Variants in BMPR1A observed in about 807,000 individuals in gnomAD.
BMPR1A encodes bone morphogenetic protein receptor type-1A.
Under a neutral mutation model 66.0 loss-of-function variants are expected in BMPR1A, and 7 were observed. The ratio of observed to expected loss-of-function variants is 0.11; its 90% CI spans 0.06 to 0.20. BMPR1A has a LOEUF of 0.20. Ranked by LOEUF, BMPR1A falls within the 10% of genes least tolerant of loss-of-function variation. The probability of loss-of-function intolerance (pLI) is 1.00; values close to 1 mark genes in which losing one functional copy is unlikely to be tolerated. For synonymous variants in BMPR1A, 200 were observed against 229.7 expected (o/e 0.87, Z 1.17); for missense variants, 408 against 669.1 (o/e 0.61, Z 4.31).
chr10:86,883,970 G>T (rs1275536076), intron 3 of BMPR1A, among the ~76,000 whole-genome samples: 1 of 151,020 alleles, frequency 6.6e-6, no homozygotes, highest in African/African-American at 2.4e-5. Flanking sequence ...CATCTCCTGG[G>T]TTCAAGCGAT....
chr10:86,807,956 G>A (rs1386905261), intron 1 of BMPR1A, among the ~76,000 whole-genome samples: 1 of 151,952 alleles, frequency 6.6e-6, no homozygotes, highest in Non-Finnish European at 1.5e-5. Flanking sequence ...TAGTAGAGAC[G>A]GGGTTTCACC....
At chr10:86,809,983 A>ATTC in intron 1 of BMPR1A, among the ~76,000 whole-genome samples, 1 of 151,216 alleles carries the variant, frequency 6.6e-6, no homozygotes. Flanking sequence ...TATTATTATT[A>ATTC]TTTTTGAGAC....
At chr10:86,915,079 A>C (rs576727180) in intron 8 of BMPR1A, among the ~76,000 whole-genome samples, 1 of 152,354 alleles carries the variant, frequency 6.6e-6, no homozygotes, top group South Asian at 2.1e-4. Flanking sequence ...GAATTTCAAA[A>C]GTACTTTATG....
At chr10:86,931,278 T>TACAC (rs1554892369), downstream of BMPR1A, 11 of 104,768 alleles carry the variant, frequency 1.0e-4, no homozygotes, top group African/African-American at 6.0e-4. Flanking sequence ...TATATATATA[T>TACAC]ATACACACAC....
At chr10:86,807,893 A>G (rs1184206674) in intron 1 of BMPR1A, among the ~76,000 whole-genome samples, 1 of 152,054 alleles carries the variant, frequency 6.6e-6, no homozygotes, top group Non-Finnish European at 1.5e-5. Context: ...TAGCCTCCCT[A>G]CAAGCTGGGA....
chr10:86,890,306 C>A, intron 4 of BMPR1A, 82 bp downstream of exon 4: 1 of 1,560,700 alleles, frequency 6.4e-7, no homozygotes, highest in Non-Finnish European at 8.8e-7. Flanking sequence ...TTAAACTTGT[C>A]TGCGGTTTTT....
chr10:86,845,923 G>C (rs2133150463), intron 2 of BMPR1A, among the ~76,000 whole-genome samples: 1 of 152,180 alleles, frequency 6.6e-6, no homozygotes, highest in African/African-American at 2.4e-5. Context: ...CGTGGACTCG[G>C]GAGGTGGAGC....
At chr10:86,806,029 T>C (rs1841885267) in intron 1 of BMPR1A, among the ~76,000 whole-genome samples, 3 of 152,150 alleles carry the variant, frequency 2.0e-5, no homozygotes, top group Admixed American at 6.5e-5. Flanking sequence ...CTGTTGTGTT[T>C]CATGACATCA....
intron 3 of BMPR1A, among the ~76,000 whole-genome samples, chr10:86,884,835 C>T (rs527558049): frequency 2.0e-5 from 3 of 152,174 alleles, no homozygotes; most frequent in East Asian, 3.9e-4. Context: ...CAGCATGTGT[C>T]GGAATGTATC....
At chr10:86,864,037 C>G (rs1229061133) in intron 2 of BMPR1A, among the ~76,000 whole-genome samples, 1 of 151,986 alleles carries the variant, frequency 6.6e-6, no homozygotes, top group African/African-American at 2.4e-5. Flanking sequence ...ATAGTGTTGC[C>G]ACTTGACCAG....
chr10:86,862,991 T>TAC lies in BMPR1A; in HGVS notation c.-152-12876_-152-12875insAC, dbSNP rs558515355. Among the ~76,000 whole-genome samples, 63 of 149,580 alleles carry TAC rather than the reference T, an allele frequency of 4.2e-4. 1 individual carries two copies. The highest frequency in any genetic ancestry group is 3.5e-3 in the Middle Eastern group (1 of 288). On this transcript the variant is annotated intron_variant, in intron 2 of 12. Transcript: ENST00000372037. ...TATTTGAGCTGCCTTTTTTTTTTTTTCCCCCTCTGAGACAGTCTCGCTTTG... is the reference window on the plus strand; with the variant it reads ...TATTTGAGCTGCCTTTTTTTTTTTTTACCCCCCTCTGAGACAGTCTCGCTTTG...
At chr10:86,878,284 A>G (rs1842944987) in intron 3 of BMPR1A, among the ~76,000 whole-genome samples, 1 of 152,180 alleles carries the variant, frequency 6.6e-6, no homozygotes, top group African/African-American at 2.4e-5. Context: ...TTGACCATCA[A>G]CTGTTAGGGT....
At chr10:86,918,274 A>G (rs943368562) in intron 9 of BMPR1A, among the ~76,000 whole-genome samples, 1 of 151,714 alleles carries the variant, frequency 6.6e-6, no homozygotes, top group African/African-American at 2.4e-5. Flanking sequence ...TTTATAGATG[A>G]CATGGATTTT....
chr10:86,824,105 G>GTGTGTGTGTGTGTGTGTGTGTGTT lies in BMPR1A; in HGVS notation c.-267-14753_-267-14752insGTGTGTGTGTGTGTGTTTGTGTGT, dbSNP rs150991310. Among the ~76,000 whole-genome samples the GTGTGTGTGTGTGTGTGTGTGTGTT allele has an allele frequency of 3.5e-3, 519 of 147,368 alleles. 10 individuals carry two copies. The South Asian group carries it at 0.038, about 11-fold the overall frequency. On this transcript the variant is annotated intron_variant, in intron 1 of 12. Transcript: ENST00000372037. ...GTTGTGTGTGTGTGTGTGTGTGTGT[G>GTGTGTGTGTGTGTGTGTGTGTGTT]TGTGTGTTTCTTTCAGTCTCACTTG...
chr10:86,777,556 G>A (rs1452975057), intron 1 of BMPR1A, among the ~76,000 whole-genome samples: 1 of 151,824 alleles, frequency 6.6e-6, no homozygotes, highest in African/African-American at 2.4e-5. Flanking sequence ...TACTCCAGTG[G>A]GTGACTGAGC....
In BMPR1A at chr10:86,822,907, G is replaced by T. The variant is rs114947601; in HGVS notation, c.-267-15958G>T. On this transcript the variant is annotated intron_variant, in intron 1 of 12. Transcript: ENST00000372037. Reference sequence around the variant, plus strand: ...AGCCTCCCAGAGTGCTGGGATTATAGATGCAAGCCACTGTGCCGGCCTGAG... The same window carrying T: ...AGCCTCCCAGAGTGCTGGGATTATATATGCAAGCCACTGTGCCGGCCTGAG... Among the ~76,000 whole-genome samples, 505 of 152,220 alleles carry T rather than the reference G, an allele frequency of 3.3e-3. 2 individuals are homozygous for T. Among genetic ancestry groups the T allele is most frequent in the African/African-American group, 0.011 (475 of 41,540 alleles).
chr10:86,885,087 T>C (rs1332529315), intron 3 of BMPR1A, among the ~76,000 whole-genome samples: 2 of 152,216 alleles, frequency 1.3e-5, no homozygotes, highest in Non-Finnish European at 2.9e-5. Flanking sequence ...TAGACCAACG[T>C]AGTATGACAG....
At chr10:86,889,045 CTGTT>C (rs1843110568) in intron 3 of BMPR1A, among the ~76,000 whole-genome samples, 1 of 152,260 alleles carries the variant, frequency 6.6e-6, no homozygotes, top group East Asian at 1.9e-4. Context: ...ATACACTTGT[CTGTT>C]TGGTTCCACC....
chr10:86,769,152 G>GCTATAGGAATTT (rs1375414134), intron 1 of BMPR1A, among the ~76,000 whole-genome samples: 4 of 152,116 alleles, frequency 2.6e-5, no homozygotes, highest in Admixed American at 2.6e-4. Context: ...CATCAGTACT[G>GCTATAGGAATTT]GCAAATTGAT....
Sources: gnomAD v4.1 joint callset for allele counts (sites outside exome capture counted in the v4.1 genomes callset) on GRCh38, gnomAD v4.1.1 for gene constraint, MANE v1.5 for transcripts, NCBI Gene and HGNC (gene_info 2026-07-23, HGNC 2026-07-21) for gene names.